NKAIN3: variants seen among roughly 807,000 people sequenced by gnomAD.
The protein encoded by NKAIN3 is sodium/potassium-transporting ATPase subunit beta-1-interacting protein 3.
A neutral mutation model predicts 30.2 loss-of-function variants in NKAIN3; 25 were observed. The observed-to-expected ratio is 0.83, with a 90% CI of 0.60 to 1.16. The LOEUF is 1.16. Ranked by LOEUF, NKAIN3 falls within the 50% of genes most tolerant of loss-of-function variation. The pLI is 0.00. For synonymous variants in NKAIN3, 91 were observed against 89.6 expected, an observed-to-expected ratio of 1.02 and a Z score of -0.09; for missense variants, 225 against 254.1, an observed-to-expected ratio of 0.89 and a Z score of 0.78.
intron 3 of NKAIN3, among the ~76,000 whole-genome samples, chr8:62,689,642 G>A (rs1813902544): frequency 6.6e-6 from 1 of 152,102 alleles, no homozygotes; most frequent in Non-Finnish European, 1.5e-5. Flanking sequence ...TCTCCTTGGA[G>A]TTCACTGTGC....
intron 1 of NKAIN3, among the ~76,000 whole-genome samples, chr8:62,454,861 C>T (rs955888374): frequency 1.3e-5 from 2 of 152,178 alleles, no homozygotes; most frequent in East Asian, 1.9e-4. Flanking sequence ...AACAAGAATT[C>T]GAGGTCAGCA....
rs1382307769 is a variant in NKAIN3, at chr8:62,535,317, G to A, written c.55-44222G>A. Among the ~76,000 whole-genome samples, 3 of 152,066 alleles carry A rather than the reference G, an allele frequency of 2.0e-5. No individual in the cohort carries two copies. The East Asian group carries it at 5.8e-4, about 29-fold the overall frequency. On this transcript the variant is annotated intron_variant, in intron 1 of 6. Coordinates refer to ENST00000623646, the MANE Select transcript of NKAIN3 (RefSeq NM_001304533.3). ...CAGAAGAAGACTTCTGTGACCATAT[G>A]TGTGGGGTGTTTTTCCCCACACACC...
intron 3 of NKAIN3, among the ~76,000 whole-genome samples, chr8:62,663,259 C>G (rs369028336): frequency 6.6e-6 from 1 of 152,130 alleles, no homozygotes; most frequent in Admixed American, 6.6e-5. Flanking sequence ...AGGAGAGTGG[C>G]ATGATCTGGC....
At chr8:62,917,906 T>C (rs1822157506) in intron 4 of NKAIN3, among the ~76,000 whole-genome samples, 2 of 152,220 alleles carry the variant, frequency 1.3e-5, no homozygotes, top group South Asian at 4.1e-4. Flanking sequence ...CTGTTTTATT[T>C]TATCACTACT....
chr8:62,690,391 G>A (rs1415131223), intron 3 of NKAIN3, among the ~76,000 whole-genome samples: 1 of 152,202 alleles, frequency 6.6e-6, no homozygotes, highest in African/African-American at 2.4e-5. Context: ...TTGAAAAAAG[G>A]AAGAAATATC....
intron 1 of NKAIN3, among the ~76,000 whole-genome samples, chr8:62,406,873 C>G (rs1005604841): frequency 6.6e-6 from 1 of 152,182 alleles, no homozygotes; most frequent in Non-Finnish European, 1.5e-5. Flanking sequence ...TTTCTAGAAA[C>G]TCTTTCATGA....
intron 4 of NKAIN3, among the ~76,000 whole-genome samples, chr8:62,848,235 AGTAGCACTGAATCTATAAATT>A (rs1819752303): frequency 6.6e-6 from 1 of 152,162 alleles, no homozygotes; most frequent in Non-Finnish European, 1.5e-5. Flanking sequence ...GTTTAATGGG[AGTAGCACTGAATCTATAAATT>A]GCTTTGGGCA....
intron 1 of NKAIN3, among the ~76,000 whole-genome samples, chr8:62,470,436 T>C (rs990676641): frequency 5.9e-5 from 9 of 152,172 alleles, no homozygotes; most frequent in African/African-American, 2.2e-4. Flanking sequence ...TCCATTATCT[T>C]AAGTTTTCTA....
At chr8:62,473,752 T>G (rs1358687376) in intron 1 of NKAIN3, among the ~76,000 whole-genome samples, 1 of 151,572 alleles carries the variant, frequency 6.6e-6, no homozygotes, top group Non-Finnish European at 1.5e-5. Context: ...CTTTCCTTAA[T>G]AGCCTACCTC....
At chr8:62,817,085 C>G (rs1000737205) in intron 4 of NKAIN3, among the ~76,000 whole-genome samples, 1 of 152,164 alleles carries the variant, frequency 6.6e-6, no homozygotes, top group Non-Finnish European at 1.5e-5. Flanking sequence ...TGCTGAGTTT[C>G]TGTGCCTCAG....
At chr8:62,459,679 T>C (rs780044144) in intron 1 of NKAIN3, among the ~76,000 whole-genome samples, 1 of 152,160 alleles carries the variant, frequency 6.6e-6, no homozygotes, top group Non-Finnish European at 1.5e-5. Flanking sequence ...TAAATTGATA[T>C]AAGATCAGAA....
intron 4 of NKAIN3, among the ~76,000 whole-genome samples, chr8:62,801,006 A>C (rs12679111): frequency 1.3e-5 from 2 of 150,248 alleles, no homozygotes; most frequent in African/African-American, 4.9e-5. Context: ...ACGGAGTCTC[A>C]CTGATTGCTA....
chr8:62,302,992 A>G (rs1159325013), intron 1 of NKAIN3, among the ~76,000 whole-genome samples: 1 of 150,310 alleles, frequency 6.7e-6, no homozygotes, highest in Admixed American at 6.6e-5. Flanking sequence ...CTTGAGCTGC[A>G]TACCTGAGTT....
At chr8:62,565,206 C>T (rs1328325882) in intron 1 of NKAIN3, among the ~76,000 whole-genome samples, 1 of 152,002 alleles carries the variant, frequency 6.6e-6, no homozygotes, top group Non-Finnish European at 1.5e-5. Flanking sequence ...GATATATCAA[C>T]ATGTACTTTT....
At chr8:62,790,785 T>A (rs988462783) in intron 4 of NKAIN3, among the ~76,000 whole-genome samples, 2 of 152,122 alleles carry the variant, frequency 1.3e-5, no homozygotes, top group Non-Finnish European at 2.9e-5. Context: ...ATAACAACTC[T>A]GATAAGTGCT....
rs143653531 is a variant in NKAIN3 at position 62,565,454 on chromosome 8, T to C, written c.55-14085T>C. ...CTCATTTCATTACCAAAACAACAAC[T>C]AAAGTTTCTATTATTTTCCTGATTT... is the stretch of plus-strand genomic sequence containing the variant. On this transcript the variant is annotated intron_variant, in intron 1 of 6. Transcript: ENST00000623646. Among the ~76,000 whole-genome samples, 108 of 152,112 alleles carry C rather than the reference T, an allele frequency of 7.1e-4. 1 individual carries two copies. In the Middle Eastern group the frequency reaches 0.02, roughly 29 times the overall value.
At chr8:62,685,179 A>G (rs534162358) in intron 3 of NKAIN3, among the ~76,000 whole-genome samples, 1 of 152,336 alleles carries the variant, frequency 6.6e-6, no homozygotes, top group East Asian at 1.9e-4. Context: ...AATAGCAGGT[A>G]GGAAAGGGTT....
At chr8:62,273,107 A>G (rs72649358) in intron 1 of NKAIN3, among the ~76,000 whole-genome samples, 8,954 of 152,276 alleles carry the variant, frequency 0.059, 312 homozygotes, top group Admixed American at 0.089. Flanking sequence ...AGAAACAGAT[A>G]GTAGGATATA....
intron 4 of NKAIN3, among the ~76,000 whole-genome samples, chr8:62,905,799 T>C (rs1821755924): frequency 6.6e-6 from 1 of 152,182 alleles, no homozygotes; most frequent in Admixed American, 6.5e-5. Context: ...GTTTCTAGTC[T>C]TCTCTCCAAT....
Sources: allele counts gnomAD v4.1 joint callset (sites outside exome capture counted in the v4.1 genomes callset), GRCh38; gene constraint gnomAD v4.1.1; transcripts MANE v1.5; gene names NCBI Gene and HGNC (gene_info 2026-07-23, HGNC 2026-07-21).